FOXO1: variants seen among roughly 807,000 people sequenced by gnomAD.
FOXO1 encodes the protein forkhead box protein O1.
In FOXO1, 6 loss-of-function variants were observed where a neutral mutation model predicts 44.1. The observed-to-expected ratio is 0.14, with a 90% confidence interval of 0.07 to 0.27. The LOEUF (loss-of-function observed/expected upper bound fraction) is 0.27. Ranked by LOEUF, FOXO1 falls within the 10% of genes least tolerant of loss-of-function variation. The pLI, the probability that FOXO1 is intolerant of heterozygous loss-of-function variation, is 1.00. For missense variants in FOXO1, 737 were observed against 888.8 expected (o/e 0.83, Z 2.17); for synonymous variants, 380 against 362.7 (o/e 1.05, Z -0.54).
At chr13:40,658,033 TAC>T (rs1229924835) in intron 1 of FOXO1, among the ~76,000 whole-genome samples, 1 of 152,148 alleles carries the variant, frequency 6.6e-6, no homozygotes, top group Non-Finnish European at 1.5e-5. Context: ...AGCCAAGACA[TAC>T]AGACATTAAA....
rs555293764 is a variant in FOXO1, at chr13:40,565,029, T to C, written c.631-4169A>G. ...TCAACCTGCTCTGCTGGCTGTTCTA[T>C]GTTCAGATTCTGAGTTCCTTAAAGA... is the stretch of plus-strand genomic sequence containing the variant. On this transcript the variant is annotated intron_variant, in intron 1 of 2. Transcript: ENST00000379561. Among the ~76,000 whole-genome samples the C allele has an allele frequency of 3.6e-5, 5 of 139,260 alleles. No individual in the cohort carries two copies. In the East Asian group the frequency reaches 1.4e-3, roughly 39 times the overall value. 91.4% of individuals were successfully genotyped at this position (139,260 alleles called of 152,430 possible). A position where few individuals can be genotyped will look rare whatever the true frequency, so the allele number is the denominator to read the frequency against.
At chr13:40,571,611 G>C (rs976199091) in intron 1 of FOXO1, among the ~76,000 whole-genome samples, 2 of 152,184 alleles carry the variant, frequency 1.3e-5, no homozygotes, top group South Asian at 2.1e-4. Flanking sequence ...CTGAAACTTC[G>C]ACTGAATTAA....
intron 1 of FOXO1, among the ~76,000 whole-genome samples, chr13:40,591,183 A>G (rs1875356606): frequency 6.6e-6 from 1 of 152,188 alleles, no homozygotes; most frequent in Non-Finnish European, 1.5e-5. Flanking sequence ...GCCAAAAAAA[A>G]TACAAAGCAA....
chr13:40,571,567 C>G (rs964828030), intron 1 of FOXO1, among the ~76,000 whole-genome samples: 24 of 152,136 alleles, frequency 1.6e-4, no homozygotes, highest in Non-Finnish European at 3.1e-4. Flanking sequence ...CACAACTCCC[C>G]CATCTTGCCC....
At chr13:40,643,882 G>A (rs889416245) in intron 1 of FOXO1, among the ~76,000 whole-genome samples, 4 of 152,104 alleles carry the variant, frequency 2.6e-5, no homozygotes, top group Admixed American at 2.6e-4. Flanking sequence ...GTACTTCCCA[G>A]CAGTATCATT....
intron 1 of FOXO1, among the ~76,000 whole-genome samples, chr13:40,646,067 CAA>C (rs879866986): frequency 5.1e-4 from 39 of 76,578 alleles, no homozygotes; most frequent in African/African-American, 1.3e-3. Flanking sequence ...AACTCCGTCT[CAA>C]AAAAAAAAAA....
At chr13:40,602,427 A>G (rs1875844362) in intron 1 of FOXO1, among the ~76,000 whole-genome samples, 1 of 152,218 alleles carries the variant, frequency 6.6e-6, no homozygotes, top group South Asian at 2.1e-4. Context: ...TGAGGACAAG[A>G]AAATTTTAAA....
At chr13:40,638,179 G>A (rs1877223959) in intron 1 of FOXO1, among the ~76,000 whole-genome samples, 1 of 152,136 alleles carries the variant, frequency 6.6e-6, no homozygotes. Context: ...GCAAGGATTG[G>A]TTTAGGGTCA....
At chr13:40,643,082 C>T (rs150927662) in intron 1 of FOXO1, among the ~76,000 whole-genome samples, 1,577 of 152,240 alleles carry the variant, frequency 0.01, 20 homozygotes, top group African/African-American at 0.034. Context: ...TGGCTCATGC[C>T]TATAATCCTA....
chr13:40,570,062 C>T (rs1209741643), intron 1 of FOXO1, among the ~76,000 whole-genome samples: 3 of 152,086 alleles, frequency 2.0e-5, no homozygotes, highest in African/African-American at 7.2e-5. Flanking sequence ...CCTGTAATCA[C>T]AGCACTTTGG....
At chr13:40,587,261 C>T (rs954852750) in intron 1 of FOXO1, among the ~76,000 whole-genome samples, 4 of 71,752 alleles carry the variant, frequency 5.6e-5, no homozygotes, top group South Asian at 4.0e-4. Context: ...GGGCTCAGAA[C>T]AAAGTAAAAA....
At chr13:40,656,134 T>A (rs996815182) in intron 1 of FOXO1, among the ~76,000 whole-genome samples, 1 of 152,242 alleles carries the variant, frequency 6.6e-6, no homozygotes, top group South Asian at 2.1e-4. Flanking sequence ...AGTTTTGCAT[T>A]TGGCCTATCC....
At chr13:40,577,534 A>G (rs958222027) in intron 1 of FOXO1, among the ~76,000 whole-genome samples, 3 of 152,210 alleles carry the variant, frequency 2.0e-5, no homozygotes, top group African/African-American at 7.2e-5. Flanking sequence ...TTAGAAGAAC[A>G]TAAAACCACT....
intron 1 of FOXO1, among the ~76,000 whole-genome samples, chr13:40,644,767 C>T (rs1877459639): frequency 6.6e-6 from 1 of 152,090 alleles, no homozygotes; most frequent in Non-Finnish European, 1.5e-5. Flanking sequence ...AGCACAAAAG[C>T]GAAACCACCC....
Position 40,559,515 on chromosome 13 carries a change from A to G in FOXO1, c.*8T>C, listed in dbSNP as rs745343501. 9 of 1,575,062 alleles carry G rather than the reference A, an allele frequency of 5.7e-6. No individual in the cohort carries two copies. In the Admixed American group the frequency reaches 1.6e-4, roughly 28 times the overall value. Reference sequence around the variant, plus strand: ...GATATTGGGGTGAACTTACCTGCTCACTAACCCTCAGCCTGACACCCAGCT... The same window carrying G: ...GATATTGGGGTGAACTTACCTGCTCGCTAACCCTCAGCCTGACACCCAGCT... On this transcript the variant is annotated 3_prime_UTR_variant, in exon 2 of 3. Coordinates refer to ENST00000379561, the MANE Select transcript of FOXO1 (RefSeq NM_002015.4).
chr13:40,597,594 T>C (rs981427087), intron 1 of FOXO1, among the ~76,000 whole-genome samples: 6 of 152,130 alleles, frequency 3.9e-5, no homozygotes, highest in African/African-American at 1.2e-4. Context: ...TGAGTCAAGG[T>C]TGGAGCCTAA....
intron 1 of FOXO1, among the ~76,000 whole-genome samples, chr13:40,660,168 T>A (rs2137943495): frequency 6.6e-6 from 1 of 152,194 alleles, no homozygotes; most frequent in Admixed American, 6.5e-5. Flanking sequence ...CCCAGGGAGA[T>A]CCTGGGGGGG....
chr13:40,563,505 C>A (rs558859118), intron 1 of FOXO1, among the ~76,000 whole-genome samples: 3 of 152,034 alleles, frequency 2.0e-5, no homozygotes, highest in Admixed American at 6.6e-5. Context: ...AGTGTGAGAG[C>A]GGGGAAGACA....
intron 1 of FOXO1, among the ~76,000 whole-genome samples, chr13:40,584,139 T>C (rs1170310876): frequency 1.3e-5 from 2 of 152,076 alleles, no homozygotes; most frequent in African/African-American, 4.8e-5. Flanking sequence ...TCAGTTAAGT[T>C]TGCAGTCTTA....
Sources: gnomAD v4.1 joint callset for allele counts (sites outside exome capture counted in the v4.1 genomes callset) on GRCh38, gnomAD v4.1.1 for gene constraint, MANE v1.5 for transcripts, NCBI Gene and HGNC (gene_info 2026-07-23, HGNC 2026-07-21) for gene names.